UBE2E3: variants seen among roughly 807,000 people sequenced by gnomAD.
The protein encoded by UBE2E3 is ubiquitin conjugating enzyme E2 E3, also known as ubiquitin-conjugating enzyme E2 E3.
UBE2E3 carries 5 observed loss-of-function variants against 23.6 expected under a neutral mutation model. The ratio of observed to expected loss-of-function variants is 0.21; its 90% CI spans 0.11 to 0.44. The LOEUF (loss-of-function observed/expected upper bound fraction) is 0.44. UBE2E3 is among the 20% of genes least tolerant of loss of function. UBE2E3 has a pLI of 0.99. For missense variants in UBE2E3, 81 were observed against 249.8 expected (o/e 0.32, Z 4.55); for synonymous variants, 78 against 87.5 (o/e 0.89, Z 0.60).
intron 3 of UBE2E3, among the ~76,000 whole-genome samples, chr2:181,049,402 G>A (rs1028748212): frequency 1.3e-5 from 2 of 151,992 alleles, no homozygotes; most frequent in African/African-American, 4.8e-5. Flanking sequence ...GTGTGTTTGT[G>A]TGTGTTTTTT....
At chr2:180,991,376 A>G (rs1684655180) in intron 3 of UBE2E3, among the ~76,000 whole-genome samples, 1 of 152,204 alleles carries the variant, frequency 6.6e-6, no homozygotes, top group Non-Finnish European at 1.5e-5. Context: ...AGAGATTAAC[A>G]ACTTCCCATT....
At position 181,063,070 on chromosome 2, in the gene UBE2E3, A is replaced by G. The variant is rs1687204844; in HGVS notation, c.*182A>G. On this transcript the variant is annotated 3_prime_UTR_variant, in exon 6 of 6. Coordinates refer to ENST00000410062, the MANE Select transcript of UBE2E3 (RefSeq NM_006357.4). This position sits in a 1 kb window ranked among gnomAD's most constrained non-coding sequence, Gnocchi z 4.1. ...AATGCTATCAAGAGTAGAACTTTGT[A>G]GCTGTAGATTAGTTATGTTTAAAAC... 1 of 380,872 alleles carries G rather than the reference A, an allele frequency of 2.6e-6. No homozygotes were observed. Among genetic ancestry groups the G allele is most frequent in the East Asian group, 4.0e-5 (1 of 24,960 alleles). The allele number at this position is 380,872 out of a possible 1,614,324, so 23.6% of individuals were successfully genotyped here.
intron 3 of UBE2E3, among the ~76,000 whole-genome samples, chr2:181,008,376 A>G (rs1316500031): frequency 2.6e-5 from 4 of 152,242 alleles, no homozygotes; most frequent in Non-Finnish European, 5.9e-5. Context: ...CGAGGATCAC[A>G]TGGTTGGTAA....
chr2:181,011,742 A>G (rs1305919051), intron 3 of UBE2E3, among the ~76,000 whole-genome samples: 1 of 152,158 alleles, frequency 6.6e-6, no homozygotes, highest in Non-Finnish European at 1.5e-5. Flanking sequence ...AAGTAGTGTT[A>G]TAGAAATTGG....
chr2:181,022,244 C>T (rs1387557317), intron 3 of UBE2E3, among the ~76,000 whole-genome samples: 1 of 151,562 alleles, frequency 6.6e-6, no homozygotes, highest in African/African-American at 2.4e-5. Flanking sequence ...TTTGGTTAGA[C>T]TCTTGAAAAT....
intron 3 of UBE2E3, among the ~76,000 whole-genome samples, chr2:181,019,600 T>C (rs756199049): frequency 2.0e-5 from 3 of 152,166 alleles, no homozygotes; most frequent in Non-Finnish European, 4.4e-5. Context: ...ATTATTTTCA[T>C]TGGGGAACAC....
intron 3 of UBE2E3, among the ~76,000 whole-genome samples, chr2:181,039,590 G>A (rs1686413757): frequency 6.6e-6 from 1 of 152,180 alleles, no homozygotes; most frequent in Non-Finnish European, 1.5e-5. Flanking sequence ...GAGCAACATG[G>A]CGAGACTCCC....
At chr2:181,018,371 TA>T (rs2105620053) in intron 3 of UBE2E3, among the ~76,000 whole-genome samples, 1 of 82,518 alleles carries the variant, frequency 1.2e-5, no homozygotes, top group East Asian at 2.5e-4. Context: ...TGTGTGTGTG[TA>T]TATATATATA....
chr2:181,055,791 C>G (rs1270824328), intron 3 of UBE2E3, among the ~76,000 whole-genome samples: 2 of 151,702 alleles, frequency 1.3e-5, no homozygotes, highest in African/African-American at 4.8e-5. Flanking sequence ...AATCCAAGCT[C>G]TTCTATCAAC....
intron 4 of UBE2E3, among the ~76,000 whole-genome samples, chr2:181,058,327 T>G (rs116017824): frequency 0.011 from 1,615 of 151,802 alleles, 32 homozygotes; most frequent in African/African-American, 0.037. Context: ...CTTCTGTGGG[T>G]ATGATGTAGT....
intron 3 of UBE2E3, among the ~76,000 whole-genome samples, chr2:181,033,938 A>C (rs1038318125): frequency 6.6e-6 from 1 of 152,216 alleles, no homozygotes; most frequent in Non-Finnish European, 1.5e-5. Flanking sequence ...GCTCATCATC[A>C]CTGGCCATCA....
intron 2 of UBE2E3, 61 bp downstream of exon 2, chr2:180,982,297 C>T (rs1039797985): frequency 1.3e-6 from 2 of 1,519,266 alleles, no homozygotes; most frequent in Non-Finnish European, 1.8e-6. Flanking sequence ...TGGTTGGACG[C>T]TTTTGTTGGT....
At chr2:181,014,733 A>G (rs1685435215) in intron 3 of UBE2E3, among the ~76,000 whole-genome samples, 1 of 152,130 alleles carries the variant, frequency 6.6e-6, no homozygotes, top group South Asian at 2.1e-4. Flanking sequence ...TTTTATTGAT[A>G]TAGTTATACA....
intron 3 of UBE2E3, among the ~76,000 whole-genome samples, chr2:181,047,820 A>G (rs1181808003): frequency 6.6e-6 from 1 of 152,166 alleles, no homozygotes; most frequent in Non-Finnish European, 1.5e-5. Context: ...TGTCCATATT[A>G]GTTTAACACT....
upstream of UBE2E3, chr2:180,980,501 ACAGCTCGCGCCCGCCGGGCGTCGG>A (rs1403076793): frequency 1.3e-5 from 2 of 148,762 alleles, no homozygotes; most frequent in South Asian, 2.1e-4. The surrounding 1 kb of genome is among the most constrained non-coding windows in gnomAD (Gnocchi z 5.5). Flanking sequence ...GCGCGCGGGA[ACAGCTCGCGCCCGCCGGGCGTCGG>A]CGGCGCGCGC....
chr2:181,028,542 C>CTGCA (rs1332134007), intron 3 of UBE2E3, among the ~76,000 whole-genome samples: 3 of 152,118 alleles, frequency 2.0e-5, no homozygotes, highest in Non-Finnish European at 2.9e-5. Context: ...TCTCTTTGCG[C>CTGCA]TGCAGGTTTA....
At chr2:180,994,347 A>G (rs1684764585) in intron 3 of UBE2E3, among the ~76,000 whole-genome samples, 1 of 152,330 alleles carries the variant, frequency 6.6e-6, no homozygotes, top group East Asian at 1.9e-4. Flanking sequence ...CAGTTTCAGT[A>G]GTTACCTAAT....
chr2:181,047,432 T>G (rs1686702757), intron 3 of UBE2E3, among the ~76,000 whole-genome samples: 1 of 152,260 alleles, frequency 6.6e-6, no homozygotes, highest in East Asian at 1.9e-4. Flanking sequence ...GTCTGTCTCT[T>G]TGACATACTT....
At chr2:181,057,282 A>C (rs1687014980) in intron 3 of UBE2E3, among the ~76,000 whole-genome samples, 1 of 151,700 alleles carries the variant, frequency 6.6e-6, no homozygotes, top group African/African-American at 2.4e-5. Flanking sequence ...AATTTATAGG[A>C]GATTGTTTTT....
Sources: gnomAD v4.1 joint callset for allele counts (sites outside exome capture counted in the v4.1 genomes callset) on GRCh38, gnomAD v4.1.1 for gene constraint, Gnocchi (gnomAD v3.1) non-coding constraint, MANE v1.5 for transcripts, NCBI Gene and HGNC (gene_info 2026-07-23, HGNC 2026-07-21) for gene names.